The following KDM2A variants were observed in gnomAD, a reference collection of about 807,000 sequenced individuals.
KDM2A encodes the protein lysine demethylase 2A, also known as lysine-specific demethylase 2A.
Under a neutral mutation model 137.3 loss-of-function variants are expected in KDM2A, and 3 were observed. The observed-to-expected ratio is 0.02, with a 90% CI of 0.01 to 0.06. The LOEUF is 0.06. Ranked by LOEUF, KDM2A falls within the 10% of genes least tolerant of loss-of-function variation. KDM2A has a pLI of 1.00. For synonymous variants in KDM2A, 512 were observed against 541.5 expected (o/e 0.95, Z 0.76); for missense variants, 738 against 1,510.6 (o/e 0.49, Z 8.48).
At chr11:67,191,875 G>A (rs1264335367) in intron 5 of KDM2A, among the ~76,000 whole-genome samples, 1 of 152,142 alleles carries the variant, frequency 6.6e-6, no homozygotes, top group Non-Finnish European at 1.5e-5. Flanking sequence ...CATACAAATT[G>A]TAAAGGAAGA....
chr11:67,196,551 G>T (rs1857487487), intron 5 of KDM2A: 2 of 443,996 alleles, frequency 4.5e-6, no homozygotes, highest in Non-Finnish European at 9.0e-6. Context: ...GCCTTAAAAA[G>T]GAAGGAAATT....
Position 67,207,622 on chromosome 11 carries a change from C to T in KDM2A, c.420C>T (p.Leu140=). 1.9e-6 allele frequency: 3 copies of T among 1,613,720 alleles called. No individual in the cohort carries two copies. The highest frequency in any genetic ancestry group is 2.5e-6 in the Non-Finnish European group (3 of 1,179,784). The stretch of plus-strand genomic sequence containing the variant: ...CCCCAGAGGAGGAGCGAGAGAAACT[C>T]TATAATGTCATCAGCCTCGAGTTTA... ...YETPEEEREK[L]YNVISLEFSH... is the part of the protein sequence containing the mutation. The change falls in exon 6 of 21, where the codon CTC becomes CTT. Residue 140 remains leucine, a synonymous_variant. Coordinates refer to ENST00000529006, the MANE Select transcript of KDM2A (RefSeq NM_012308.3).
At chr11:67,196,008 C>T (rs143311639) in intron 5 of KDM2A, 1 of 419,198 alleles carries the variant, frequency 2.4e-6, no homozygotes, top group Non-Finnish European at 4.8e-6. Context: ...CTCAGAACCA[C>T]AAGAATTGCT....
chr11:67,147,816 T>C (rs1369482231), intron 2 of KDM2A, among the ~76,000 whole-genome samples: 1 of 151,722 alleles, frequency 6.6e-6, no homozygotes, highest in African/African-American at 2.4e-5. Flanking sequence ...TAGCTGCGAT[T>C]ACAGGCGCCT....
intron 2 of KDM2A, among the ~76,000 whole-genome samples, chr11:67,157,590 C>T (rs1296302593): frequency 3.3e-5 from 5 of 151,352 alleles, no homozygotes; most frequent in Non-Finnish European, 7.4e-5. Flanking sequence ...ACTAAAAATA[C>T]AAAAATTAGC....
At chr11:67,216,813 G>A (rs965923083) in intron 8 of KDM2A, among the ~76,000 whole-genome samples, 3 of 151,906 alleles carry the variant, frequency 2.0e-5, no homozygotes, top group Admixed American at 6.6e-5. Context: ...CCAGCTACTC[G>A]GGAGGCTGAG....
At chr11:67,168,648 C>T (rs1856807264) in intron 2 of KDM2A, among the ~76,000 whole-genome samples, 1 of 146,276 alleles carries the variant, frequency 6.8e-6, no homozygotes, top group Admixed American at 6.9e-5. Context: ...CACACACACA[C>T]ACACACACAC....
intron 5 of KDM2A, among the ~76,000 whole-genome samples, chr11:67,183,553 A>G (rs548834180): frequency 2.0e-5 from 3 of 152,308 alleles, no homozygotes; most frequent in South Asian, 2.1e-4. Flanking sequence ...TCAGGAGTCT[A>G]TTGAAGGCTT....
At chr11:67,251,700 C>G (rs1265185780) in intron 17 of KDM2A, among the ~76,000 whole-genome samples, 1 of 152,146 alleles carries the variant, frequency 6.6e-6, no homozygotes, top group South Asian at 2.1e-4. Context: ...GATGCATGCT[C>G]GAGTTTAGAG....
chr11:67,149,233 A>C (rs913844990), intron 2 of KDM2A: 2 of 152,090 alleles, frequency 1.3e-5, no homozygotes, highest in Non-Finnish European at 2.9e-5. Context: ...TCCAGGTTCT[A>C]ACATTTGTGT....
At chr11:67,208,141 A>G (rs1214221018) in intron 6 of KDM2A, among the ~76,000 whole-genome samples, 1 of 148,178 alleles carries the variant, frequency 6.7e-6, no homozygotes, top group Non-Finnish European at 1.5e-5. Flanking sequence ...AATAATTTGT[A>G]TTTTTATAAA....
At chr11:67,206,900 A>G (rs577044873) in intron 5 of KDM2A, among the ~76,000 whole-genome samples, 3 of 152,348 alleles carry the variant, frequency 2.0e-5, no homozygotes, top group Admixed American at 6.5e-5. Context: ...TGTCTTTATC[A>G]TTCTATAAAT....
At chr11:67,132,600 T>C (rs1482821522) in intron 2 of KDM2A, among the ~76,000 whole-genome samples, 1 of 152,186 alleles carries the variant, frequency 6.6e-6, no homozygotes, top group Non-Finnish European at 1.5e-5. Context: ...TTGTTTTTAA[T>C]ATAACAGTGA....
intron 2 of KDM2A, among the ~76,000 whole-genome samples, chr11:67,147,717 G>A (rs1007027730): frequency 1.1e-4 from 16 of 150,506 alleles, no homozygotes; most frequent in Middle Eastern, 3.4e-3. Flanking sequence ...TTGCAGTGTC[G>A]CCTGAGCTGG....
chr11:67,186,132 A>G lies in KDM2A; in HGVS notation c.307+4240A>G, dbSNP rs560304716. ...CCCAAATTTGATGAAAGACAGGAGT[A>G]TAAACATCCAAACAGCTCAATGAAC... On this transcript the variant is annotated intron_variant, in intron 5 of 20. Coordinates refer to ENST00000529006, the MANE Select transcript of KDM2A (RefSeq NM_012308.3). Among the ~76,000 whole-genome samples, 198 of 152,284 alleles carry G rather than the reference A, an allele frequency of 1.3e-3. 1 individual carries two copies. Among genetic ancestry groups the G allele is most frequent in the South Asian group, 0.012 (59 of 4,822 alleles).
chr11:67,193,392 A>T (rs983245909), intron 5 of KDM2A, among the ~76,000 whole-genome samples: 1 of 152,310 alleles, frequency 6.6e-6, no homozygotes, highest in Non-Finnish European at 1.5e-5. Flanking sequence ...ATGTTTATTG[A>T]CTATTTGGGC....
chr11:67,180,423 C>G, intron 3 of KDM2A: 1 of 428,786 alleles, frequency 2.3e-6, no homozygotes, highest in Non-Finnish European at 4.0e-6. Context: ...TAGAAGTAAT[C>G]TTTTTATTAG....
intron 5 of KDM2A, among the ~76,000 whole-genome samples, chr11:67,199,103 A>G (rs887281385): frequency 3.3e-5 from 5 of 152,144 alleles, no homozygotes; most frequent in African/African-American, 9.7e-5. Flanking sequence ...TGACATTACT[A>G]TTATACTTGT....
chr11:67,168,664 C>CACACACACACACACACAT, intron 2 of KDM2A, among the ~76,000 whole-genome samples: 1 of 144,212 alleles, frequency 6.9e-6, no homozygotes, highest in East Asian at 2.0e-4. Flanking sequence ...CACACACACA[C>CACACACACACACACACAT]GGTCGGGGGG....
Sources: allele counts gnomAD v4.1 joint callset (sites outside exome capture counted in the v4.1 genomes callset), GRCh38; gene constraint gnomAD v4.1.1; transcripts MANE v1.5; gene names NCBI Gene and HGNC (gene_info 2026-07-23, HGNC 2026-07-21).